The following SLC12A7 variants were observed in gnomAD, a reference collection of about 807,000 sequenced individuals.
SLC12A7 encodes the protein K-Cl cotransporter 4.
A neutral mutation model predicts 120.6 loss-of-function variants in SLC12A7; 100 were observed. The ratio of observed to expected loss-of-function variants is 0.83; its 90% CI spans 0.71 to 0.98. The LOEUF (loss-of-function observed/expected upper bound fraction) is 0.98, where lower values mean the gene tolerates loss of function less well. Ranked by LOEUF, SLC12A7 falls within the 50% of genes least tolerant of loss-of-function variation. SLC12A7 has a pLI of 0.00. For missense variants in SLC12A7, 1,373 were observed against 1,548.1 expected, an observed-to-expected ratio of 0.89 and a Z score of 1.90; for synonymous variants, 760 against 678.0, an observed-to-expected ratio of 1.12 and a Z score of -1.88.
At chr5:1,079,991 C>T (rs980597815) in intron 9 of SLC12A7, among the ~76,000 whole-genome samples, 2 of 152,218 alleles carry the variant, frequency 1.3e-5, no homozygotes, top group Non-Finnish European at 2.9e-5. Flanking sequence ...CAATCGGCTC[C>T]TACAAAGCTC....
intron 1 of SLC12A7, among the ~76,000 whole-genome samples, chr5:1,095,373 G>T (rs1018949153): frequency 6.6e-6 from 1 of 152,302 alleles, no homozygotes; most frequent in Middle Eastern, 3.4e-3. Context: ...TCAGAACAGG[G>T]TCTGCAAATG....
At chr5:1,078,075 T>C in intron 11 of SLC12A7, 68 bp from the exon 12 acceptor site, 1 of 1,489,236 alleles carries the variant, frequency 6.7e-7, no homozygotes. Flanking sequence ...AAATGTCTTC[T>C]CCCACCCAGA....
At chr5:1,130,955 G>A in the SLC12A7 span, among the ~76,000 whole-genome samples, 3 of 152,286 alleles carry the variant, frequency 2.0e-5, 1 homozygote, top group African/African-American at 7.2e-5. Context: ...CCTCACGTCG[G>A]AGGGTGGTCT....
intron 1 of SLC12A7, among the ~76,000 whole-genome samples, chr5:1,099,858 C>T (rs767791213): frequency 1.4e-4 from 21 of 152,238 alleles, no homozygotes; most frequent in Non-Finnish European, 2.5e-4. Context: ...ACAACCACCA[C>T]GGTCCCCTCC....
rs1736648471 is a variant in SLC12A7, at chr5:1,064,106, G to A, written c.2584C>T (p.Pro862Ser). The A allele has an allele frequency of 6.2e-7, 1 of 1,608,956 alleles. No homozygotes were observed. The highest frequency in any genetic ancestry group is 1.7e-5 in the Admixed American group (1 of 59,794). ...ACCTTGTGCTGGCGCAGCAGGAAGG[G>A]CAGCAGCATGAGCATGCCGCCGTCG... ...VHDGGMLMLL[P>S]FLLRQHKVWR... The change falls in exon 19 of 24, where the codon CCC becomes TCC. Residue 862 changes from proline (P) to serine (S), a missense_variant. Physicochemically the swap from Pro to Ser is moderately conservative, Grantham distance 74. Coordinates refer to ENST00000264930, the MANE Select transcript of SLC12A7 (RefSeq NM_006598.3).
At chr5:1,103,685 C>T (rs1357559766) in intron 1 of SLC12A7, among the ~76,000 whole-genome samples, 2 of 152,258 alleles carry the variant, frequency 1.3e-5, no homozygotes, top group African/African-American at 2.4e-5. Flanking sequence ...GCAGCACACA[C>T]ATCTGCACAA....
At chr5:1,112,362 G>C (rs1346172118), upstream of SLC12A7, among the ~76,000 whole-genome samples, 1 of 52,884 alleles carries the variant, frequency 1.9e-5, no homozygotes, top group Non-Finnish European at 3.4e-5. Flanking sequence ...CCCCCTCCCC[G>C]CCTCCCCTCT....
intron 1 of SLC12A7, among the ~76,000 whole-genome samples, chr5:1,099,476 C>G (rs920440297): frequency 3.5e-5 from 5 of 142,468 alleles, no homozygotes; most frequent in African/African-American, 1.6e-4. Flanking sequence ...ACGGCAGGGC[C>G]CGACCCAGTC....
chr5:1,065,184 AGGGGACAC>A (rs1736894068), intron 18 of SLC12A7, 91 bp downstream of exon 18: 2 of 257,158 alleles, frequency 7.8e-6, no homozygotes, highest in Admixed American at 1.4e-4. Flanking sequence ...GAGGACAGCG[AGGGGACAC>A]TGAGGAGACA....
the SLC12A7 span, among the ~76,000 whole-genome samples, chr5:1,122,669 G>A: frequency 0.33 from 49,717 of 151,908 alleles, 8,309 homozygotes; most frequent in Middle Eastern, 0.41. Flanking sequence ...GGAACTCCAG[G>A]GACCTCCCAG....
chr5:1,096,282 G>A (rs575126497), intron 1 of SLC12A7, among the ~76,000 whole-genome samples: 1 of 152,318 alleles, frequency 6.6e-6, no homozygotes, highest in South Asian at 2.1e-4. Flanking sequence ...GGAGGCAGGA[G>A]GGACACAGCC....
the SLC12A7 span, among the ~76,000 whole-genome samples, chr5:1,139,674 C>T: frequency 6.6e-6 from 1 of 152,242 alleles, no homozygotes; most frequent in East Asian, 1.9e-4. Flanking sequence ...TCCCCGAGTG[C>T]ACACGGCGAG....
intron 1 of SLC12A7, among the ~76,000 whole-genome samples, chr5:1,100,462 C>T (rs1016450835): frequency 3.9e-5 from 6 of 152,236 alleles, no homozygotes; most frequent in African/African-American, 1.4e-4. Flanking sequence ...GGTTACTCCA[C>T]AGCACAGCAG....
Position 1,076,172 on chromosome 5 carries a change from G to A in SLC12A7, c.1813C>T (p.Pro605Ser). 2 of 1,612,438 alleles carry A rather than the reference G, an allele frequency of 1.2e-6. No individual in the cohort carries two copies. Among genetic ancestry groups the A allele is most frequent in the Non-Finnish European group, 1.7e-6 (2 of 1,179,650 alleles). The part of the protein sequence containing the change: ...ACAVQTLLRT[P>S]NWRPRFKFYH... The stretch of plus-strand genomic sequence containing the variant: ...AACTTGAAGCGTGGACGCCAGTTGG[G>A]GGTACGTAGCAGGGTCTGCACGGCG... Residue 605 changes from proline to serine, a missense_variant, in exon 14 of 24, where the codon CCC (proline) becomes TCC (serine). Physicochemically the swap from Pro to Ser is moderately conservative, Grantham distance 74 (BLOSUM62 -1). Coordinates refer to ENST00000264930, the MANE Select transcript of SLC12A7 (RefSeq NM_006598.3).
At chr5:1,088,764 G>A (rs985583151) in intron 4 of SLC12A7, among the ~76,000 whole-genome samples, 31 of 152,310 alleles carry the variant, frequency 2.0e-4, no homozygotes, top group African/African-American at 5.5e-4. Context: ...CACTAACCCC[G>A]GACAGTGTGG....
chr5:1,059,566 G>A (rs1003273719), intron 21 of SLC12A7, among the ~76,000 whole-genome samples: 1 of 152,196 alleles, frequency 6.6e-6, no homozygotes, highest in Non-Finnish European at 1.5e-5. Context: ...GGTGACCCCC[G>A]TGCTGTCCTC....
At chr5:1,053,828 A>C (rs1735312843) in intron 22 of SLC12A7, among the ~76,000 whole-genome samples, 1 of 152,258 alleles carries the variant, frequency 6.6e-6, no homozygotes, top group Non-Finnish European at 1.5e-5. Context: ...GAACAGTGGA[A>C]GCCGTCTGGG....
the SLC12A7 span, among the ~76,000 whole-genome samples, chr5:1,130,239 C>T: frequency 1.3e-5 from 2 of 152,262 alleles, no homozygotes; most frequent in Admixed American, 6.5e-5. Context: ...TCGCTTCAGT[C>T]GTAACCTGCA....
chr5:1,062,550 G>C (rs1341938239), intron 20 of SLC12A7, among the ~76,000 whole-genome samples: 1 of 152,218 alleles, frequency 6.6e-6, no homozygotes, highest in African/African-American at 2.4e-5. Context: ...GGACAACTGA[G>C]TTCCACGGGA....
Sources: allele counts gnomAD v4.1 joint callset (sites outside exome capture counted in the v4.1 genomes callset), GRCh38; gene constraint gnomAD v4.1.1; transcripts MANE v1.5; gene names NCBI Gene and HGNC (gene_info 2026-07-23, HGNC 2026-07-21).